Variants in SPAG16 observed in about 807,000 individuals in gnomAD.
SPAG16 encodes the protein sperm-associated antigen 16 protein.
Under a neutral mutation model 80.4 loss-of-function variants are expected in SPAG16, and 86 were observed. The ratio of observed to expected loss-of-function variants is 1.07; its 90% CI spans 0.90 to 1.28. The LOEUF is 1.28. Ranked by LOEUF, SPAG16 falls within the 50% of genes most tolerant of loss-of-function variation. SPAG16 has a pLI of 0.00. For synonymous variants in SPAG16, 294 were observed against 265.9 expected, an observed-to-expected ratio of 1.11 and a Z score of -1.03; for missense variants, 870 against 765.3, an observed-to-expected ratio of 1.14 and a Z score of -1.61.
intron 13 of SPAG16, among the ~76,000 whole-genome samples, chr2:214,052,110 A>G (rs2049680033): frequency 6.6e-6 from 1 of 152,170 alleles, no homozygotes; most frequent in Non-Finnish European, 1.5e-5. Flanking sequence ...TACTTTTTCA[A>G]TTATTATGAC....
At chr2:213,785,824 T>C (rs543194918) in intron 10 of SPAG16, among the ~76,000 whole-genome samples, 5 of 152,178 alleles carry the variant, frequency 3.3e-5, no homozygotes, top group South Asian at 2.1e-4. Flanking sequence ...CTGGCCAACA[T>C]GGTGAAACCC....
intron 10 of SPAG16, among the ~76,000 whole-genome samples, chr2:213,637,446 T>C (rs746887212): frequency 2.6e-5 from 4 of 152,238 alleles, no homozygotes; most frequent in Non-Finnish European, 5.9e-5. Context: ...AGGGTGATAC[T>C]GGCTTCATAG....
chr2:213,352,221 G>T (rs1053395142), intron 7 of SPAG16, among the ~76,000 whole-genome samples: 10 of 150,810 alleles, frequency 6.6e-5, no homozygotes, highest in Middle Eastern at 3.4e-3. Flanking sequence ...ACCCAGTCTC[G>T]GGTATTTCCT....
chr2:213,452,625 G>C (rs2161822), intron 9 of SPAG16, among the ~76,000 whole-genome samples: 9,098 of 152,196 alleles, frequency 0.06, 900 homozygotes, highest in African/African-American at 0.21. Context: ...AGATCTTTTA[G>C]TGACTTCCCA....
At chr2:213,986,891 CAAAAAA>C (rs369965944) in intron 12 of SPAG16, among the ~76,000 whole-genome samples, 27 of 57,648 alleles carry the variant, frequency 4.7e-4, no homozygotes, top group South Asian at 9.1e-4. Flanking sequence ...TCTGGTATAG[CAAAAAA>C]AAAAAAAAAA....
chr2:214,172,444 C>T (rs950991100), intron 15 of SPAG16, among the ~76,000 whole-genome samples: 3 of 151,964 alleles, frequency 2.0e-5, no homozygotes, highest in African/African-American at 4.8e-5. Context: ...TTTATGGCTG[C>T]ACTGCATAGT....
At chr2:214,365,290 A>G (rs1699404906) in intron 15 of SPAG16, among the ~76,000 whole-genome samples, 1 of 152,244 alleles carries the variant, frequency 6.6e-6, no homozygotes, top group African/African-American at 2.4e-5. Context: ...TCTTCATATC[A>G]GGATTGCTTT....
intron 11 of SPAG16, among the ~76,000 whole-genome samples, chr2:213,920,943 C>T (rs909401745): frequency 2.0e-5 from 3 of 152,216 alleles, no homozygotes; most frequent in African/African-American, 7.2e-5. Context: ...GGGGTCTCCT[C>T]CTGCCAAGAT....
chr2:213,755,594 C>T (rs747461919), intron 10 of SPAG16, among the ~76,000 whole-genome samples: 1 of 152,148 alleles, frequency 6.6e-6, no homozygotes, highest in East Asian at 1.9e-4. Flanking sequence ...GTTTCATGTA[C>T]TGTCCTAGGC....
chr2:214,150,730 C>T (rs936120346), intron 15 of SPAG16, among the ~76,000 whole-genome samples: 2 of 151,454 alleles, frequency 1.3e-5, no homozygotes, highest in African/African-American at 4.8e-5. Context: ...AATATCATTA[C>T]AATTAATAAT....
At chr2:213,541,607 C>T (rs2076448913) in intron 10 of SPAG16, among the ~76,000 whole-genome samples, 1 of 152,014 alleles carries the variant, frequency 6.6e-6, no homozygotes, top group Admixed American at 6.6e-5. Context: ...GTGACACAGA[C>T]AGACTCCATC....
chr2:214,294,342 A>C (rs1344175339), intron 15 of SPAG16, among the ~76,000 whole-genome samples: 1 of 152,134 alleles, frequency 6.6e-6, no homozygotes, highest in African/African-American at 2.4e-5. Context: ...ATCCCAACTG[A>C]GAAGGCTGCC....
At chr2:213,331,213 G>A (rs763176118) in intron 5 of SPAG16, among the ~76,000 whole-genome samples, 1 of 152,176 alleles carries the variant, frequency 6.6e-6, no homozygotes, top group Non-Finnish European at 1.5e-5. Flanking sequence ...CTTTTCTGCA[G>A]CATGCCTGGG....
intron 12 of SPAG16, among the ~76,000 whole-genome samples, chr2:213,999,521 T>A (rs923095273): frequency 1.3e-5 from 2 of 152,214 alleles, no homozygotes; most frequent in African/African-American, 4.8e-5. Context: ...TAGGGCAGTG[T>A]GGAAGAGAAA....
chr2:213,389,249 T>C (rs2067610942), intron 9 of SPAG16, among the ~76,000 whole-genome samples: 2 of 152,070 alleles, frequency 1.3e-5, no homozygotes, highest in African/African-American at 4.8e-5. Flanking sequence ...ACTAATACCA[T>C]ATACAAAAAT....
chr2:213,343,148 A>G (rs970592092), intron 6 of SPAG16, among the ~76,000 whole-genome samples: 1 of 152,130 alleles, frequency 6.6e-6, no homozygotes, highest in Non-Finnish European at 1.5e-5. Flanking sequence ...GCACCTGGGA[A>G]ACTCTGAGCA....
chr2:214,031,332 G>A lies in SPAG16; in HGVS notation c.1527+17255G>A, dbSNP rs577023950. Among the ~76,000 whole-genome samples the A allele has an allele frequency of 1.9e-3, 275 of 147,634 alleles. 4 individuals carry two copies. Among genetic ancestry groups the A allele is most frequent in the Non-Finnish European group, 1.8e-3 (120 of 67,150 alleles). The stretch of plus-strand genomic sequence containing the variant: ...AAATCATCCTTCTCAGTAAACTATC[G>A]CAAGGACAAAAAACCAAACACCGCA... On this transcript the variant is annotated intron_variant, in intron 13 of 15. Coordinates refer to ENST00000331683, the MANE Select transcript of SPAG16 (RefSeq NM_024532.5).
intron 10 of SPAG16, among the ~76,000 whole-genome samples, chr2:213,718,173 A>T (rs890880046): frequency 4.0e-5 from 6 of 151,536 alleles, no homozygotes; most frequent in African/African-American, 1.5e-4. Context: ...AAAAAAAGAA[A>T]ACCACCAAAT....
chr2:213,617,637 G>T (rs373897170), intron 10 of SPAG16, among the ~76,000 whole-genome samples: 3 of 152,016 alleles, frequency 2.0e-5, no homozygotes, highest in Non-Finnish European at 4.4e-5. Context: ...CACTATGCCC[G>T]GCCCAAAATA....
Sources: gnomAD v4.1 joint callset for allele counts (sites outside exome capture counted in the v4.1 genomes callset) on GRCh38, gnomAD v4.1.1 for gene constraint, MANE v1.5 for transcripts, NCBI Gene and HGNC (gene_info 2026-07-23, HGNC 2026-07-21) for gene names.